Variants in TENM2 observed in about 807,000 individuals in gnomAD.
The protein encoded by TENM2 is teneurin transmembrane protein 2.
A neutral mutation model predicts 245.2 loss-of-function variants in TENM2; 52 were observed. The observed-to-expected ratio is 0.21, with a 90% CI of 0.17 to 0.27. The LOEUF (loss-of-function observed/expected upper bound fraction) is 0.27. Ranked by LOEUF, TENM2 falls within the 10% of genes least tolerant of loss-of-function variation. The pLI, the probability that TENM2 is intolerant of heterozygous loss-of-function variation, is 1.00. For synonymous variants in TENM2, 1,363 were observed against 1,438.9 expected (o/e 0.95, Z 1.19); for missense variants, 3,046 against 3,666.8 (o/e 0.83, Z 4.37).
the TENM2 span, among the ~76,000 whole-genome samples, chr5:167,260,915 G>A: frequency 6.6e-6 from 1 of 152,140 alleles, no homozygotes; most frequent in African/African-American, 2.4e-5. Context: ...TGCTGGTTCT[G>A]GTAGTTCTAA....
the TENM2 span, among the ~76,000 whole-genome samples, chr5:167,030,175 T>A: frequency 6.6e-6 from 1 of 152,216 alleles, no homozygotes; most frequent in Non-Finnish European, 1.5e-5. Context: ...CTTCCTGAGC[T>A]CTTTACTTCT....
chr5:168,133,685 G>A (rs924110864), intron 12 of TENM2, among the ~76,000 whole-genome samples: 2 of 152,138 alleles, frequency 1.3e-5, no homozygotes, highest in African/African-American at 4.8e-5. Context: ...ATTTATATCT[G>A]GTTTACCTAG....
chr5:167,099,219 C>T, the TENM2 span, among the ~76,000 whole-genome samples: 2 of 152,124 alleles, frequency 1.3e-5, no homozygotes, highest in African/African-American at 4.8e-5. Flanking sequence ...TGTATCATTA[C>T]TTAGGGCTGT....
intron 26 of TENM2, 100 bp from the exon 29 acceptor site, chr5:168,246,657 T>C: frequency 8.4e-7 from 1 of 1,191,420 alleles, no homozygotes; most frequent in Non-Finnish European, 1.2e-6. Context: ...TTTCATGACT[T>C]TTGAGTTGAC....
chr5:167,961,556 C>T (rs1781014354), intron 4 of TENM2, among the ~76,000 whole-genome samples: 1 of 152,070 alleles, frequency 6.6e-6, no homozygotes, highest in African/African-American at 2.4e-5. Context: ...GATGTAATAG[C>T]TATTGTAGAA....
At chr5:167,326,667 C>T (rs963060961) in intron 1 of TENM2, among the ~76,000 whole-genome samples, 9 of 145,998 alleles carry the variant, frequency 6.2e-5, no homozygotes, top group Admixed American at 2.1e-4. Context: ...AATGAGACTC[C>T]GTCAGAATAA....
At chr5:167,671,012 A>C (rs1017788573) in intron 2 of TENM2, among the ~76,000 whole-genome samples, 11 of 152,142 alleles carry the variant, frequency 7.2e-5, no homozygotes, top group African/African-American at 2.7e-4. Context: ...TTGCCTGTCT[A>C]CACCCACCCA....
intron 2 of TENM2, among the ~76,000 whole-genome samples, chr5:167,777,071 A>G (rs1444207887): frequency 6.6e-6 from 1 of 152,240 alleles, no homozygotes; most frequent in Non-Finnish European, 1.5e-5. Context: ...AATAAACACA[A>G]TTTACAGGAG....
At chr5:167,395,401 T>C (rs973480936) in intron 2 of TENM2, among the ~76,000 whole-genome samples, 1 of 152,158 alleles carries the variant, frequency 6.6e-6, no homozygotes, top group Non-Finnish European at 1.5e-5. Context: ...ATATTTTTCT[T>C]TTGTCTTTAG....
chr5:167,673,906 G>A (rs1756133845), intron 2 of TENM2, among the ~76,000 whole-genome samples: 1 of 151,926 alleles, frequency 6.6e-6, no homozygotes, highest in Non-Finnish European at 1.5e-5. Context: ...TGTCTATAAC[G>A]GCTCTTATTT....
chr5:167,288,784 G>A (rs76760523), intron 1 of TENM2, among the ~76,000 whole-genome samples: 2,075 of 152,240 alleles, frequency 0.014, 36 homozygotes, highest in African/African-American at 0.047. Context: ...CCGGAGATAG[G>A]CTTCAAACCT....
chr5:167,816,513 T>C (rs1190926329), intron 2 of TENM2, among the ~76,000 whole-genome samples: 1 of 152,162 alleles, frequency 6.6e-6, no homozygotes, highest in African/African-American at 2.4e-5. Context: ...TAAACAACTG[T>C]TCTGCCCCTG....
intron 2 of TENM2, among the ~76,000 whole-genome samples, chr5:167,570,620 G>T (rs923613977): frequency 1.3e-5 from 2 of 152,136 alleles, no homozygotes; most frequent in African/African-American, 2.4e-5. Flanking sequence ...GATCTCTGGT[G>T]CAGTCCTTGC....
At chr5:168,245,310 G>T (rs945896886) in intron 26 of TENM2, among the ~76,000 whole-genome samples, 13 of 152,234 alleles carry the variant, frequency 8.5e-5, no homozygotes, top group African/African-American at 2.6e-4. Flanking sequence ...AAAAAGTACT[G>T]TTGAAGCGGA....
intron 2 of TENM2, among the ~76,000 whole-genome samples, chr5:167,692,280 C>T (rs745935828): frequency 5.9e-5 from 9 of 152,108 alleles, no homozygotes; most frequent in Non-Finnish European, 8.8e-5. Flanking sequence ...ATGAATTGGC[C>T]GAAGGCAATT....
intron 1 of TENM2, among the ~76,000 whole-genome samples, chr5:167,359,586 T>C (rs1165363431): frequency 2.0e-5 from 3 of 152,206 alleles, no homozygotes; most frequent in South Asian, 2.1e-4. Context: ...ATTCCATTTG[T>C]TAATTTTTGC....
In TENM2 at chr5:168,195,156, T is replaced by A; in HGVS notation, c.2781-20T>A. ...TTCTCCTGCATGTGGCTCAAAGACC[T>A]CTGTTTCTGTCTTTCTCAGCTTGGT... On this transcript the variant is annotated intron_variant, in intron 14 of 28. Transcript: ENST00000518659. 3 of 1,574,602 alleles carry A rather than the reference T, an allele frequency of 1.9e-6. No individual in the cohort carries two copies. The highest frequency in any genetic ancestry group is 2.6e-6 in the Non-Finnish European group (3 of 1,157,798).
chr5:167,690,911 G>T (rs959410033), intron 2 of TENM2, among the ~76,000 whole-genome samples: 2 of 137,550 alleles, frequency 1.5e-5, no homozygotes, highest in South Asian at 5.1e-4. Flanking sequence ...ATATATATCC[G>T]TATATGCGAG....
rs35067759 is a variant in TENM2 at position 167,370,341 on chromosome 5, C to CAA, written c.227-4828_227-4827dup. Among the ~76,000 whole-genome samples the CAA allele has an allele frequency of 2.0e-3, 146 of 73,468 alleles. 9 individuals carry two copies. The highest frequency in any genetic ancestry group is 2.3e-3 in the Non-Finnish European group (73 of 32,226). 48.2% of individuals were successfully genotyped at this position (73,468 alleles called of 152,430 possible). ...TGGGCGACAGAGTGAGACTCCGTCT[C>CAA]AAAAAAAAAAAAAAAAAAAAAAAAA... is the stretch of plus-strand genomic sequence containing the variant. On this transcript the variant is annotated intron_variant, in intron 1 of 28. Coordinates refer to ENST00000518659, the Ensembl canonical transcript of TENM2.
Sources: allele counts gnomAD v4.1 joint callset (sites outside exome capture counted in the v4.1 genomes callset), GRCh38; gene constraint gnomAD v4.1.1; transcripts MANE v1.5; gene names NCBI Gene and HGNC (gene_info 2026-07-23, HGNC 2026-07-21).